The following ELF1 variants were observed in gnomAD, a reference collection of about 807,000 sequenced individuals.
ELF1 encodes ETS-related transcription factor Elf-1.
ELF1 carries 24 observed loss-of-function variants against 59.9 expected under a neutral mutation model. The observed-to-expected ratio is 0.40, with a 90% CI of 0.29 to 0.56. The LOEUF is 0.56. ELF1 is among the 20% of genes least tolerant of loss of function. The pLI, the probability that ELF1 is intolerant of heterozygous loss-of-function variation, is 0.44. For synonymous variants in ELF1, 248 were observed against 266.2 expected, an observed-to-expected ratio of 0.93 and a Z score of 0.67; for missense variants, 627 against 742.2, an observed-to-expected ratio of 0.84 and a Z score of 1.80.
intron 1 of ELF1, among the ~76,000 whole-genome samples, chr13:41,024,559 T>C (rs1875815483): frequency 6.6e-6 from 1 of 152,300 alleles, no homozygotes; most frequent in South Asian, 2.1e-4. Context: ...TATTTTTTTG[T>C]AGAGGCAGGG....
chr13:40,958,678 A>AG, intron 3 of ELF1, among the ~76,000 whole-genome samples, 158 bp downstream of exon 3: 1 of 152,386 alleles, frequency 6.6e-6, no homozygotes, highest in African/African-American at 2.4e-5. Context: ...CAGATGAAAC[A>AG]GAAAATGTAA....
intron 1 of ELF1, among the ~76,000 whole-genome samples, chr13:41,033,970 T>C (rs1264653108): frequency 2.0e-5 from 3 of 152,150 alleles, no homozygotes; most frequent in African/African-American, 7.2e-5. Context: ...TATATCCTGA[T>C]TATGGTGATG....
intron 2 of ELF1, among the ~76,000 whole-genome samples, chr13:40,961,802 C>T (rs552157153): frequency 6.6e-6 from 1 of 152,188 alleles, no homozygotes; most frequent in African/African-American, 2.4e-5. Flanking sequence ...CACTTTTATG[C>T]TGCAAAAACC....
Position 40,941,128 on chromosome 13 carries a change from G to T in ELF1, c.1049C>A (p.Ser350Tyr). 21 of 1,614,162 alleles carry T rather than the reference G, an allele frequency of 1.3e-5. No individual in the cohort carries two copies. Among genetic ancestry groups the T allele is most frequent in the Non-Finnish European group, 1.7e-5 (20 of 1,180,030 alleles). ...AGGATCTTTGGGTTTTGCAGCTTTAGAATTCCCTGGTTTTAGAACTGTAGT... is the reference window on the plus strand; with the variant it reads ...AGGATCTTTGGGTTTTGCAGCTTTATAATTCCCTGGTTTTAGAACTGTAGT... ...GATTVLKPGN[S>Y]KAAKPKDPVE... The change falls in exon 8 of 9, where the codon TCT becomes TAT. Residue 350 changes from serine (S) to tyrosine (Y), a missense_variant. Transcript: ENST00000239882.
chr13:40,991,945 T>C (rs535064656), intron 1 of ELF1, among the ~76,000 whole-genome samples: 1 of 152,320 alleles, frequency 6.6e-6, no homozygotes, highest in Non-Finnish European at 1.5e-5. Flanking sequence ...ATTGATATAG[T>C]GTTCCATCTT....
intron 1 of ELF1, among the ~76,000 whole-genome samples, chr13:41,052,391 A>T (rs773591532): frequency 1.5e-4 from 23 of 152,214 alleles, no homozygotes; most frequent in Non-Finnish European, 2.8e-4. Flanking sequence ...GTGCTGGTGA[A>T]ATGTTAAACT....
intron 1 of ELF1, among the ~76,000 whole-genome samples, chr13:41,048,894 C>G (rs969892699): frequency 6.6e-6 from 1 of 152,094 alleles, no homozygotes; most frequent in Non-Finnish European, 1.5e-5. Flanking sequence ...CTTCATCTCC[C>G]GCTCATTCTT....
At position 40,936,772 on chromosome 13, in the gene ELF1, A is replaced by G. The variant is rs562159621; in HGVS notation, c.1257-2744T>C. Among the ~76,000 whole-genome samples the G allele has an allele frequency of 1.6e-3, 237 of 148,686 alleles. 1 individual carries two copies. Among genetic ancestry groups the G allele is most frequent in the African/African-American group, 5.8e-3 (232 of 40,220 alleles). ...CAAGACTCCGTCTCAAAAAAAAAAAAAAAAAGAAAAAAAAGAAAAAAAAAA... is the reference window on the plus strand; with the variant it reads ...CAAGACTCCGTCTCAAAAAAAAAAAGAAAAAGAAAAAAAAGAAAAAAAAAA... On this transcript the variant is annotated intron_variant, in intron 8 of 8. Transcript: ENST00000239882.
At chr13:40,982,418 AC>A (rs1376616620) in intron 1 of ELF1, 136 bp from the exon 2 acceptor site, 2 of 414,514 alleles carry the variant, frequency 4.8e-6, no homozygotes, top group Non-Finnish European at 6.6e-6. Flanking sequence ...CGACTAATGC[AC>A]ATACGCTCTT....
At chr13:40,968,844 T>C (rs767711789) in intron 2 of ELF1, among the ~76,000 whole-genome samples, 3 of 151,774 alleles carry the variant, frequency 2.0e-5, no homozygotes, top group Non-Finnish European at 2.9e-5. Flanking sequence ...CTCAGCGACA[T>C]GAATAGCTGG....
At chr13:40,953,615 C>T (rs1392814122) in intron 3 of ELF1, among the ~76,000 whole-genome samples, 4 of 152,222 alleles carry the variant, frequency 2.6e-5, no homozygotes, top group Non-Finnish European at 5.9e-5. Context: ...TTGAGCCACT[C>T]AGTCTGTGGT....
At position 41,053,903 on chromosome 13, in the gene ELF1, G is replaced by A. The variant is rs138826467; in HGVS notation, c.-229+6935C>T. ...ACAATTAAGGCAATCCATCCAAAAC[G>A]TAGAGAACTTTTAACAACTACAACC... is the stretch of plus-strand genomic sequence containing the variant. On this transcript the variant is annotated intron_variant, in intron 1 of 1. Coordinates refer to the ELF1 transcript ENST00000405737. 2.2e-4 allele frequency among the ~76,000 whole-genome samples: 34 copies of A among 152,190 alleles called. No homozygotes were observed. In the East Asian group the frequency reaches 6.0e-3, roughly 27 times the overall value.
chr13:40,959,220 G>A (rs897347490), intron 2 of ELF1, among the ~76,000 whole-genome samples: 2 of 152,060 alleles, frequency 1.3e-5, no homozygotes, highest in African/African-American at 4.8e-5. Context: ...ATGAAGGCTG[G>A]GCGCGGTGAC....
chr13:41,006,697 A>G lies in ELF1; in HGVS notation c.-229+12531T>C, dbSNP rs563738505. Reference sequence around the variant, plus strand: ...GCACGATGTCTAGTTTGCAACGTTCATACCATGAAAACATTTTGAATAAAA... The same window carrying G: ...GCACGATGTCTAGTTTGCAACGTTCGTACCATGAAAACATTTTGAATAAAA... On this transcript the variant is annotated intron_variant, in intron 1 of 8. Transcript: ENST00000239882. Among the ~76,000 whole-genome samples, 6 of 152,360 alleles carry G rather than the reference A, an allele frequency of 3.9e-5. No individual in the cohort carries two copies. The South Asian group carries it at 1.2e-3, about 32-fold the overall frequency.
chr13:40,960,148 C>T (rs1871725489), intron 2 of ELF1, among the ~76,000 whole-genome samples: 1 of 152,090 alleles, frequency 6.6e-6, no homozygotes, highest in Non-Finnish European at 1.5e-5. Flanking sequence ...TATAAAAATA[C>T]TATCTAATAT....
chr13:41,004,880 T>C (rs1367927864), intron 1 of ELF1, among the ~76,000 whole-genome samples: 1 of 152,126 alleles, frequency 6.6e-6, no homozygotes, highest in Non-Finnish European at 1.5e-5. Flanking sequence ...ACAATCCATA[T>C]AATACCAAAC....
intron 2 of ELF1, among the ~76,000 whole-genome samples, chr13:40,969,390 G>A (rs1444113655): frequency 3.9e-5 from 6 of 152,022 alleles, no homozygotes; most frequent in African/African-American, 1.4e-4. Flanking sequence ...TGTGTTTCTG[G>A]GTAACATGCA....
In ELF1 at chr13:40,972,931, T is replaced by C. The variant is rs190494389; in HGVS notation, c.72+9052A>G. Among the ~76,000 whole-genome samples, 266 of 152,248 alleles carry C rather than the reference T, an allele frequency of 1.7e-3. 2 individuals are homozygous for C. Among genetic ancestry groups the C allele is most frequent in the Non-Finnish European group, 2.6e-3 (174 of 67,992 alleles). The stretch of plus-strand genomic sequence containing the variant: ...CCCACCTAAGTCTTTAAATAATACA[T>C]TATTTCCGAATGTGTGTGTTGAGGT... On this transcript the variant is annotated intron_variant, in intron 2 of 8. Coordinates refer to ENST00000239882, the MANE Select transcript of ELF1 (RefSeq NM_172373.4).
intron 1 of ELF1, among the ~76,000 whole-genome samples, chr13:41,045,220 T>C (rs1411764533): frequency 6.6e-6 from 1 of 151,304 alleles, no homozygotes; most frequent in East Asian, 1.9e-4. Context: ...CTATCAATTT[T>C]GTTGATCTTT....
Sources: allele counts gnomAD v4.1 joint callset (sites outside exome capture counted in the v4.1 genomes callset), GRCh38; gene constraint gnomAD v4.1.1; transcripts MANE v1.5; gene names NCBI Gene and HGNC (gene_info 2026-07-23, HGNC 2026-07-21).